CSMD3: variants seen among roughly 807,000 people sequenced by gnomAD.
CSMD3 encodes CUB and sushi domain-containing protein 3.
Under a neutral mutation model 435.2 loss-of-function variants are expected in CSMD3, and 177 were observed. That is an observed-to-expected ratio of 0.41 (90% confidence interval 0.36 to 0.46). The LOEUF is 0.46. CSMD3 is among the 20% of genes least tolerant of loss of function. CSMD3 has a pLI of 0.34. For missense variants in CSMD3, 4,265 were observed against 4,504.6 expected (o/e 0.95, Z 1.52); for synonymous variants, 1,656 against 1,520.5 (o/e 1.09, Z -2.07).
intron 22 of CSMD3, among the ~76,000 whole-genome samples, chr8:112,607,243 A>C (rs371289349): frequency 1.1e-4 from 16 of 151,860 alleles, no homozygotes; most frequent in East Asian, 9.6e-4. Context: ...ACCTAGAATA[A>C]ATGAATAAAT....
intron 31 of CSMD3, among the ~76,000 whole-genome samples, chr8:112,488,786 C>T (rs867768009): frequency 2.6e-5 from 4 of 152,066 alleles, no homozygotes; most frequent in Non-Finnish European, 5.9e-5. Context: ...GTTACATCAT[C>T]TTTTGTATCA....
intron 4 of CSMD3, among the ~76,000 whole-genome samples, chr8:113,152,010 A>C (rs2091817457): frequency 6.6e-6 from 1 of 151,972 alleles, no homozygotes; most frequent in South Asian, 2.1e-4. Context: ...TAACTTTTAC[A>C]TGGGGGTTTT....
At position 113,116,718 on chromosome 8, in the gene CSMD3, G is replaced by A. The variant is rs546935998; in HGVS notation, c.710-17755C>T. Among the ~76,000 whole-genome samples, 162 of 152,256 alleles carry A rather than the reference G, an allele frequency of 1.1e-3. 1 individual carries two copies. Among genetic ancestry groups the A allele is most frequent in the Non-Finnish European group, 1.6e-3 (111 of 68,024 alleles). On this transcript the variant is annotated intron_variant, in intron 4 of 70. Transcript: ENST00000297405. ...GGGCTCAGAAAACAGGAAGATGTTG[G>A]AAAGTTTGAAACTTCCTAGAGAGTT...
At chr8:112,683,387 T>G (rs2075944622) in intron 15 of CSMD3, among the ~76,000 whole-genome samples, 1 of 152,032 alleles carries the variant, frequency 6.6e-6, no homozygotes, top group South Asian at 2.1e-4. Flanking sequence ...GATTTTAATT[T>G]CTTCTCAACA....
chr8:112,240,567 TC>T (rs1262079004), intron 66 of CSMD3, among the ~76,000 whole-genome samples: 9 of 152,092 alleles, frequency 5.9e-5, no homozygotes, highest in African/African-American at 1.9e-4. Flanking sequence ...TAAAATTAGA[TC>T]CTAATGTAGT....
chr8:112,495,642 G>C (rs1389139564), intron 30 of CSMD3, among the ~76,000 whole-genome samples: 2 of 151,994 alleles, frequency 1.3e-5, no homozygotes, highest in African/African-American at 4.8e-5. Context: ...AAAACACCTG[G>C]AGAATACTTA....
intron 1 of CSMD3, 56 bp downstream of exon 1, chr8:113,436,621 T>A: frequency 1.3e-6 from 2 of 1,506,864 alleles, no homozygotes; most frequent in East Asian, 4.5e-5. Flanking sequence ...CCTCTCTCCA[T>A]CTACAAGTCA....
chr8:112,274,061 A>G (rs1187933867), intron 59 of CSMD3, among the ~76,000 whole-genome samples: 1 of 152,086 alleles, frequency 6.6e-6, no homozygotes, highest in Admixed American at 6.5e-5. Flanking sequence ...GGTGGATAAG[A>G]GTTTTAAAGG....
chr8:113,003,802 C>T (rs1019200330), intron 6 of CSMD3, among the ~76,000 whole-genome samples: 7 of 151,980 alleles, frequency 4.6e-5, no homozygotes, highest in Admixed American at 1.3e-4. Context: ...CTATCTTCAA[C>T]TTAAATCGCA....
intron 5 of CSMD3, among the ~76,000 whole-genome samples, chr8:113,026,833 T>C (rs894185100): frequency 4.6e-5 from 7 of 152,212 alleles, no homozygotes; most frequent in African/African-American, 1.7e-4. Flanking sequence ...AAAATTTATA[T>C]TTTTGTTTTC....
chr8:113,009,144 A>G (rs920245406), intron 6 of CSMD3, among the ~76,000 whole-genome samples: 1 of 151,732 alleles, frequency 6.6e-6, no homozygotes, highest in Non-Finnish European at 1.5e-5. Flanking sequence ...GTGCTCTGCA[A>G]AGGAGTCTAG....
At chr8:112,956,696 A>C (rs1474705104) in intron 7 of CSMD3, among the ~76,000 whole-genome samples, 1 of 152,116 alleles carries the variant, frequency 6.6e-6, no homozygotes, top group African/African-American at 2.4e-5. Context: ...TAAGTTACTA[A>C]TATTGGGGGG....
chr8:112,840,286 G>A (rs1412222433), intron 11 of CSMD3, among the ~76,000 whole-genome samples: 2 of 151,792 alleles, frequency 1.3e-5, no homozygotes, highest in Admixed American at 6.6e-5. Context: ...TACGGGTAAT[G>A]TGGACATTTT....
intron 1 of CSMD3, among the ~76,000 whole-genome samples, chr8:113,321,103 C>T (rs1429493199): frequency 6.6e-6 from 1 of 152,096 alleles, no homozygotes; most frequent in Non-Finnish European, 1.5e-5. Context: ...ACCAGTCTAT[C>T]CTGCTAGGCT....
At chr8:112,388,881 T>A (rs1235841432) in intron 36 of CSMD3, among the ~76,000 whole-genome samples, 1 of 152,162 alleles carries the variant, frequency 6.6e-6, no homozygotes, top group East Asian at 1.9e-4. Flanking sequence ...CAGAATCTCA[T>A]AAACACTAAT....
intron 12 of CSMD3, among the ~76,000 whole-genome samples, chr8:112,803,542 A>C (rs2079008962): frequency 6.6e-6 from 1 of 152,214 alleles, no homozygotes; most frequent in Non-Finnish European, 1.5e-5. Context: ...ATAATTGGGA[A>C]CTTGTATAAA....
intron 22 of CSMD3, among the ~76,000 whole-genome samples, chr8:112,607,645 A>G (rs1832904210): frequency 6.6e-6 from 1 of 152,170 alleles, no homozygotes; most frequent in Non-Finnish European, 1.5e-5. Flanking sequence ...GGGATGCAAT[A>G]TGTTTCAGTT....
chr8:112,547,750 A>G (rs1200006584), intron 27 of CSMD3, among the ~76,000 whole-genome samples: 1 of 152,158 alleles, frequency 6.6e-6, no homozygotes, highest in Non-Finnish European at 1.5e-5. Flanking sequence ...CAGAACTAAC[A>G]CTAAAGAAAA....
intron 8 of CSMD3, among the ~76,000 whole-genome samples, chr8:112,949,044 A>C (rs1437564262): frequency 6.6e-6 from 1 of 151,956 alleles, no homozygotes; most frequent in Non-Finnish European, 1.5e-5. Flanking sequence ...CAAGGTGCCA[A>C]AGTGTTGCGG....
Sources: allele counts gnomAD v4.1 joint callset (sites outside exome capture counted in the v4.1 genomes callset), GRCh38; gene constraint gnomAD v4.1.1; transcripts MANE v1.5; gene names NCBI Gene and HGNC (gene_info 2026-07-23, HGNC 2026-07-21).